Variants in HHAT observed in about 807,000 individuals in gnomAD.
HHAT encodes hedgehog acyltransferase, also known as protein-cysteine N-palmitoyltransferase HHAT.
In HHAT, 47 loss-of-function variants were observed where a neutral mutation model predicts 70.8. That is an observed-to-expected ratio of 0.66 (90% CI 0.53 to 0.85). HHAT has a LOEUF of 0.85. Ranked by LOEUF, HHAT falls within the 40% of genes least tolerant of loss-of-function variation. The pLI, the probability that HHAT is intolerant of heterozygous loss-of-function variation, is 0.00. For missense variants in HHAT, 609 were observed against 604.8 expected, an observed-to-expected ratio of 1.01 and a Z score of -0.07; for synonymous variants, 228 against 247.6, an observed-to-expected ratio of 0.92 and a Z score of 0.74.
chr1:210,544,058 T>C (rs944384866), intron 9 of HHAT, among the ~76,000 whole-genome samples: 2 of 152,142 alleles, frequency 1.3e-5, no homozygotes, highest in African/African-American at 4.8e-5. Flanking sequence ...TGTTTCGGGG[T>C]CTTTGGCCCT....
At chr1:210,439,281 G>A (rs577286276) in intron 7 of HHAT, among the ~76,000 whole-genome samples, 2 of 151,912 alleles carry the variant, frequency 1.3e-5, no homozygotes, top group South Asian at 4.1e-4. Flanking sequence ...GAGTGGGCTA[G>A]CAGGTCACAC....
At chr1:210,332,580 T>C (rs1238278007) in intron 1 of HHAT, among the ~76,000 whole-genome samples, 1 of 152,266 alleles carries the variant, frequency 6.6e-6, no homozygotes, top group Non-Finnish European at 1.5e-5. Context: ...GATACTCTCA[T>C]TGCAGACACA....
At chr1:210,330,474 C>G (rs2084892051) in intron 1 of HHAT, among the ~76,000 whole-genome samples, 1 of 152,186 alleles carries the variant, frequency 6.6e-6, no homozygotes, top group Non-Finnish European at 1.5e-5. Context: ...TTGGACTCCT[C>G]TTTTGGATCA....
At chr1:210,386,226 T>TTTTCTTTCTTTTTTTC (rs1215466340) in intron 3 of HHAT, among the ~76,000 whole-genome samples, 1 of 102,730 alleles carries the variant, frequency 9.7e-6, no homozygotes, top group Non-Finnish European at 2.0e-5. Context: ...CCTTTTCTTT[T>TTTTCTTTCTTTTTTTC]TTTCTTTTTT....
At chr1:210,582,476 A>T (rs978233911) in intron 9 of HHAT, among the ~76,000 whole-genome samples, 4 of 152,130 alleles carry the variant, frequency 2.6e-5, no homozygotes, top group African/African-American at 9.7e-5. Flanking sequence ...TTAGTCTGTC[A>T]TAGAGTTAGG....
chr1:210,353,606 T>G (rs909893319), intron 2 of HHAT, among the ~76,000 whole-genome samples: 4 of 152,112 alleles, frequency 2.6e-5, no homozygotes, highest in Admixed American at 1.3e-4. Context: ...TCAGTTTGAT[T>G]AGTATATTGT....
chr1:210,424,086 G>A (rs192296945), intron 7 of HHAT, among the ~76,000 whole-genome samples: 1 of 152,200 alleles, frequency 6.6e-6, no homozygotes, highest in Non-Finnish European at 1.5e-5. Context: ...AATGTTACTG[G>A]TATTTTGATA....
chr1:210,671,400 T>C (rs541838897), intron 11 of HHAT, among the ~76,000 whole-genome samples: 8 of 152,268 alleles, frequency 5.3e-5, no homozygotes, highest in African/African-American at 1.7e-4. Flanking sequence ...GCAGGATGGG[T>C]CCATGTGGAA....
chr1:210,478,332 A>G (rs2094337371), intron 8 of HHAT, among the ~76,000 whole-genome samples: 1 of 152,202 alleles, frequency 6.6e-6, no homozygotes. Flanking sequence ...ATCAACTAAA[A>G]TGTGGCCTAG....
chr1:210,634,724 T>C (rs979385615), intron 11 of HHAT, among the ~76,000 whole-genome samples: 9 of 152,236 alleles, frequency 5.9e-5, no homozygotes, highest in Admixed American at 5.2e-4. Flanking sequence ...TATTTGAAGC[T>C]AACCTCTTGA....
chr1:210,496,659 C>T (rs906400662), intron 8 of HHAT, among the ~76,000 whole-genome samples: 4 of 152,128 alleles, frequency 2.6e-5, no homozygotes, highest in African/African-American at 9.7e-5. Flanking sequence ...ATACTGTGCA[C>T]CATTAGGCAG....
intron 10 of HHAT, among the ~76,000 whole-genome samples, chr1:210,600,578 C>A (rs1423006416): frequency 6.6e-6 from 1 of 152,112 alleles, no homozygotes; most frequent in Non-Finnish European, 1.5e-5. Context: ...TTGGTTGTGA[C>A]TCACTGAGGC....
intron 3 of HHAT, among the ~76,000 whole-genome samples, chr1:210,373,018 C>T (rs2089714550): frequency 6.6e-6 from 1 of 152,078 alleles, no homozygotes; most frequent in South Asian, 2.1e-4. Context: ...CTTTAGGTAC[C>T]ATGTTGGAAT....
At chr1:210,479,993 C>T (rs1349313604) in intron 8 of HHAT, among the ~76,000 whole-genome samples, 1 of 152,136 alleles carries the variant, frequency 6.6e-6, no homozygotes, top group African/African-American at 2.4e-5. Flanking sequence ...TGTTAATGGG[C>T]TAATGATGCC....
intron 8 of HHAT, among the ~76,000 whole-genome samples, chr1:210,506,246 G>C (rs958153433): frequency 6.6e-6 from 1 of 152,084 alleles, no homozygotes; most frequent in Non-Finnish European, 1.5e-5. Flanking sequence ...GTGTTAGCCC[G>C]GGCACAGTCT....
chr1:210,384,907 G>C (rs1176692180), intron 3 of HHAT, among the ~76,000 whole-genome samples: 1 of 152,162 alleles, frequency 6.6e-6, no homozygotes, highest in East Asian at 1.9e-4. Context: ...CATTGGCCCA[G>C]CTTTTCTGTT....
intron 9 of HHAT, among the ~76,000 whole-genome samples, chr1:210,548,051 A>C (rs1309271474): frequency 6.6e-6 from 1 of 152,200 alleles, no homozygotes; most frequent in African/African-American, 2.4e-5. Flanking sequence ...TAATTGCATG[A>C]TTTCCTCTCT....
intron 11 of HHAT, among the ~76,000 whole-genome samples, chr1:210,663,676 C>G (rs1250599076): frequency 2.6e-5 from 4 of 152,196 alleles, no homozygotes; most frequent in Admixed American, 2.6e-4. Flanking sequence ...TGCAGATTCC[C>G]CTACAACAGT....
chr1:210,391,557 CAA>C (rs560956329), intron 4 of HHAT, among the ~76,000 whole-genome samples: 191 of 151,784 alleles, frequency 1.3e-3, no homozygotes, highest in African/African-American at 4.3e-3. Context: ...ATAAAAAAGA[CAA>C]AATCACTCAA....
Sources: allele counts gnomAD v4.1 joint callset (sites outside exome capture counted in the v4.1 genomes callset), GRCh38; gene constraint gnomAD v4.1.1; transcripts MANE v1.5; gene names NCBI Gene and HGNC (gene_info 2026-07-23, HGNC 2026-07-21).